NKD1: variants seen among roughly 807,000 people sequenced by gnomAD.
The protein encoded by NKD1 is NKD inhibitor of Wnt signaling pathway 1.
In NKD1, 21 loss-of-function variants were observed where a neutral mutation model predicts 56.0. That is an observed-to-expected ratio of 0.38 (90% CI 0.27 to 0.54). The LOEUF (loss-of-function observed/expected upper bound fraction) is 0.54, where lower values mean the gene tolerates loss of function less well. Ranked by LOEUF, NKD1 falls within the 20% of genes least tolerant of loss-of-function variation. The pLI is 0.82. For missense variants in NKD1, 578 were observed against 642.7 expected, an observed-to-expected ratio of 0.90 and a Z score of 1.09; for synonymous variants, 263 against 265.7, an observed-to-expected ratio of 0.99 and a Z score of 0.10.
At chr16:50,599,218 C>G (rs867908999) in intron 3 of NKD1, among the ~76,000 whole-genome samples, 3 of 152,010 alleles carry the variant, frequency 2.0e-5, no homozygotes, top group African/African-American at 7.3e-5. Flanking sequence ...GACCAGGGCC[C>G]GGAGGGAGAA....
intron 6 of NKD1, among the ~76,000 whole-genome samples, chr16:50,627,821 T>A (rs1342345935): frequency 6.6e-6 from 1 of 152,224 alleles, no homozygotes; most frequent in African/African-American, 2.4e-5. Context: ...ACCCTCGGTC[T>A]GCTGGGACCA....
chr16:50,552,915 C>A (rs1313971028), intron 3 of NKD1, among the ~76,000 whole-genome samples: 3 of 152,146 alleles, frequency 2.0e-5, no homozygotes, highest in African/African-American at 7.2e-5. Context: ...TTTGCCCTTT[C>A]CATGGGGACA....
chr16:50,610,422 C>T (rs1185751516), intron 4 of NKD1, among the ~76,000 whole-genome samples: 1 of 152,286 alleles, frequency 6.6e-6, no homozygotes, highest in East Asian at 1.9e-4. Context: ...CGAGGCCTCC[C>T]ACCCCAGGGT....
rs577842104 is a variant in NKD1 at position 50,641,437 on chromosome 16, A to G, written c.*7656A>G. The G allele has an allele frequency of 1.3e-5, 2 of 152,358 alleles. No individual in the cohort carries two copies. Among genetic ancestry groups the G allele is most frequent in the Admixed American group, 6.5e-5 (1 of 15,312 alleles). 9.4% of individuals were successfully genotyped at this position (152,358 alleles called of 1,614,324 possible). A position where few individuals can be genotyped will look rare whatever the true frequency, so the allele number is the denominator to read the frequency against. ...TCGATGTGTCATGTTTGACCCATCA[A>G]GGGTTTCAAAAATTTTTAATTAATT... On this transcript the variant is annotated 3_prime_UTR_variant, in exon 10 of 10. Coordinates refer to ENST00000268459, the MANE Select transcript of NKD1 (RefSeq NM_033119.5).
At chr16:50,619,185 T>G (rs1454054680) in intron 4 of NKD1, among the ~76,000 whole-genome samples, 3 of 152,050 alleles carry the variant, frequency 2.0e-5, no homozygotes, top group Non-Finnish European at 4.4e-5. Context: ...TGTTTTTCTT[T>G]CTTCTTTTTC....
At chr16:50,590,764 G>A (rs1051691089) in intron 3 of NKD1, among the ~76,000 whole-genome samples, 20 of 152,208 alleles carry the variant, frequency 1.3e-4, no homozygotes, top group Admixed American at 5.9e-4. Flanking sequence ...TGGCAATGCC[G>A]TTTGCTCCTT....
rs574402126 is a variant in NKD1, at chr16:50,619,732, G to T, written c.260-1870G>T. On this transcript the variant is annotated intron_variant, in intron 4 of 9. Transcript: ENST00000268459. ...CACATAAGAATCCTCTGGGGAAGGG[G>T]TTGGTAGCTTCCTCATTTTACGGTT... 5.3e-5 allele frequency among the ~76,000 whole-genome samples: 8 copies of T among 152,318 alleles called. No individual in the cohort carries two copies. In the East Asian group the frequency reaches 1.5e-3, roughly 29 times the overall value.
rs111872173 is a variant in NKD1, at chr16:50,609,501, G to A, written c.259+1141G>A. Among the ~76,000 whole-genome samples the A allele has an allele frequency of 7.5e-3, 1,137 of 152,248 alleles. 6 individuals are homozygous for A. The highest frequency in any genetic ancestry group is 0.017 in the Middle Eastern group (5 of 294). On this transcript the variant is annotated intron_variant, in intron 4 of 9. Transcript: ENST00000268459. ...CATGGTGCAAGGGTCTGCGGAGGGG[G>A]ATCTAGCCCTGCAGGGGTCTGAAGG...
chr16:50,593,304 C>T (rs554258477), intron 3 of NKD1, among the ~76,000 whole-genome samples: 36 of 152,228 alleles, frequency 2.4e-4, no homozygotes, highest in African/African-American at 7.7e-4. Context: ...TTGTGGTCCA[C>T]GTCATTGAAA....
chr16:50,604,512 T>C (rs974578736), intron 3 of NKD1, among the ~76,000 whole-genome samples: 7 of 152,252 alleles, frequency 4.6e-5, no homozygotes, highest in Admixed American at 4.6e-4. Context: ...TGCTTTCAGC[T>C]GCCCTGCTAA....
intron 3 of NKD1, among the ~76,000 whole-genome samples, chr16:50,563,982 CTGTG>C (rs1960701735): frequency 6.6e-6 from 1 of 152,160 alleles, no homozygotes; most frequent in South Asian, 2.1e-4. Flanking sequence ...GGAGAAGACC[CTGTG>C]TGTCAGGCTA....
chr16:50,571,490 C>G, intron 3 of NKD1: 2 of 985,362 alleles, frequency 2.0e-6, no homozygotes, highest in Non-Finnish European at 2.4e-6. Context: ...AACAGCCTGT[C>G]GGAAGCAGCC....
intron 4 of NKD1, among the ~76,000 whole-genome samples, chr16:50,612,583 C>T (rs778976064): frequency 2.0e-5 from 3 of 152,160 alleles, no homozygotes; most frequent in East Asian, 1.9e-4. Context: ...TCTGCTAAGA[C>T]GTAAAACCCA....
chr16:50,609,223 T>C (rs1405374126), intron 4 of NKD1, among the ~76,000 whole-genome samples: 3 of 152,268 alleles, frequency 2.0e-5, no homozygotes, highest in Non-Finnish European at 4.4e-5. Context: ...GGTTTGACTT[T>C]GGGCAGGCCA....
intron 3 of NKD1, among the ~76,000 whole-genome samples, chr16:50,549,818 C>G (rs1166793121): frequency 6.6e-6 from 1 of 152,066 alleles, no homozygotes; most frequent in Non-Finnish European, 1.5e-5. Context: ...GATGGGGAAT[C>G]GTGTCTGTAC....
rs150795487 is a variant in NKD1, at chr16:50,642,144, T to C, written c.*8363T>C. The C allele has an allele frequency of 2.0e-5, 3 of 152,242 alleles. No individual in the cohort carries two copies. The highest frequency in any genetic ancestry group is 1.9e-4 in the East Asian group (1 of 5,174). 9.4% of individuals were successfully genotyped at this position (152,242 alleles called of 1,614,324 possible). A position where few individuals can be genotyped will look rare whatever the true frequency, so the allele number is the denominator to read the frequency against. On this transcript the variant is annotated 3_prime_UTR_variant, in exon 10 of 10. Coordinates refer to ENST00000268459, the MANE Select transcript of NKD1 (RefSeq NM_033119.5). ...CTGGAGGAATGCCCCCCAGCTCTCT[T>C]GGAGGGGGAAGCAAAAAGACTGCTG... is the stretch of plus-strand genomic sequence containing the variant.
At chr16:50,595,603 C>A (rs943478978) in intron 3 of NKD1, among the ~76,000 whole-genome samples, 5 of 152,174 alleles carry the variant, frequency 3.3e-5, no homozygotes, top group South Asian at 4.1e-4. Flanking sequence ...TCTTGCCTCC[C>A]CTATGACTCT....
In NKD1 at chr16:50,632,108, G is replaced by C. The variant is rs1962358820; in HGVS notation, c.696-173G>C. 6.6e-6 allele frequency among the ~76,000 whole-genome samples: 1 copy of C among 152,210 alleles called. No homozygotes were observed. The highest frequency in any genetic ancestry group is 1.5e-5 in the Non-Finnish European group (1 of 68,040). The stretch of plus-strand genomic sequence containing the variant: ...TGGTCTGTCTCTCCATCGGCAAGGA[G>C]GGAAATGGAGGCACAGTTCGTATAG... On this transcript the variant is annotated intron_variant, in intron 8 of 9. Transcript: ENST00000268459. This position sits in a 1 kb window ranked among gnomAD's most constrained non-coding sequence, Gnocchi z 4.1.
At chr16:50,607,966 CT>C (rs765621251) in intron 3 of NKD1, 118 of 302,922 alleles carry the variant, frequency 3.9e-4, no homozygotes, top group Non-Finnish European at 6.9e-4. Context: ...CCTTAACTCA[CT>C]GGTGGGGAAC....
Sources: allele counts gnomAD v4.1 joint callset (sites outside exome capture counted in the v4.1 genomes callset), GRCh38; gene constraint gnomAD v4.1.1; non-coding constraint Gnocchi (gnomAD v3.1); transcripts MANE v1.5; gene names NCBI Gene and HGNC (gene_info 2026-07-23, HGNC 2026-07-21).